CLPTM1: variants seen among roughly 807,000 people sequenced by gnomAD.
CLPTM1 encodes putative lipid scramblase CLPTM1.
In CLPTM1, 21 loss-of-function variants were observed where a neutral mutation model predicts 77.3. The observed-to-expected ratio is 0.27, with a 90% CI of 0.19 to 0.39. CLPTM1 has a LOEUF of 0.39. CLPTM1 is among the 10% of genes least tolerant of loss of function. The pLI, the probability that CLPTM1 is intolerant of heterozygous loss-of-function variation, is 1.00. For synonymous variants in CLPTM1, 373 were observed against 381.0 expected (o/e 0.98, Z 0.24); for missense variants, 642 against 921.2 (o/e 0.70, Z 3.92).
chr19:44,987,369 C>T lies in CLPTM1; in HGVS notation c.984C>T (p.Asn328=), dbSNP rs1970996338. Residue 328 remains asparagine, a synonymous_variant, in exon 8 of 14, where the codon AAC becomes AAT. Transcript: ENST00000337392. ...CCCAGAGCACCAAGTCGCCCTGGAACTTCCTGGGTGATGAGTTGTACGAGC... is the reference window on the plus strand; with the variant it reads ...CCCAGAGCACCAAGTCGCCCTGGAATTTCCTGGGTGATGAGTTGTACGAGC... ...YAAQSTKSPW[N]FLGDELYEQS... 2 of 1,614,062 alleles carry T rather than the reference C, an allele frequency of 1.2e-6. No homozygotes were observed. The highest frequency in any genetic ancestry group is 8.5e-7 in the Non-Finnish European group (1 of 1,179,874).
chr19:44,979,450 G>A (rs745771274), intron 5 of CLPTM1, among the ~76,000 whole-genome samples: 19 of 152,148 alleles, frequency 1.2e-4, no homozygotes, highest in Non-Finnish European at 2.5e-4. Flanking sequence ...CTTTATTGAG[G>A]ACTATTCCAG....
intron 1 of CLPTM1, among the ~76,000 whole-genome samples, chr19:44,960,406 C>T (rs956985702): frequency 6.6e-6 from 1 of 152,188 alleles, no homozygotes; most frequent in Non-Finnish European, 1.5e-5. Context: ...CTAAAATGTT[C>T]CAGTATTTTC....
At chr19:44,989,226 C>T (rs920829787) in intron 9 of CLPTM1, among the ~76,000 whole-genome samples, 43 of 152,206 alleles carry the variant, frequency 2.8e-4, no homozygotes, top group Non-Finnish European at 4.0e-4. Flanking sequence ...CAGTGTCATA[C>T]GGGCACAGGA....
Position 44,955,460 on chromosome 19 carries a change from C to A in CLPTM1, c.65C>A (p.Ser22Tyr), listed in dbSNP as rs1323064547. Residue 22 changes from serine to tyrosine, a missense_variant, in exon 1 of 14, where the codon TCC (serine) becomes TAC (tyrosine). By Grantham distance (144) the Ser-to-Tyr change is moderately radical. Around this residue, in one of 2 missense-constraint regions of CLPTM1, gnomAD observed 121 missense variants for 120.8 expected, o/e 1.00. Coordinates refer to ENST00000337392, the MANE Select transcript of CLPTM1 (RefSeq NM_001294.4). ...GTGGTGGCGGCCGGGGGAGGCAGCT[C>A]CGGTCAGGTACGGAGGCCGAGAGGG... ...SAVVAAGGGS[S>Y]GQVTSNGSIG... 2.3e-6 allele frequency: 3 copies of A among 1,329,882 alleles called. No individual in the cohort carries two copies. Among genetic ancestry groups the A allele is most frequent in the Non-Finnish European group, 2.9e-6 (3 of 1,041,810 alleles). The allele number at this position is 1,329,882 out of a possible 1,614,324, so 82.4% of individuals were successfully genotyped here.
In CLPTM1 at chr19:44,970,270, A is replaced by G. The variant is rs557034532; in HGVS notation, c.186-2817A>G. On this transcript the variant is annotated intron_variant, in intron 2 of 13. Coordinates refer to ENST00000337392, the MANE Select transcript of CLPTM1 (RefSeq NM_001294.4). The stretch of plus-strand genomic sequence containing the variant: ...ACTTCGCCCTGCATACCTGTTGTGC[A>G]ACTCCTGGGAATGGGTAGGCCACCT... 4.8e-5 allele frequency among the ~76,000 whole-genome samples: 7 copies of G among 147,028 alleles called. 2 individuals are homozygous for G. The highest frequency in any genetic ancestry group is 1.9e-4 in the African/African-American group (7 of 37,536).
At position 44,992,362 on chromosome 19, in the gene CLPTM1, A is replaced by G. The variant is rs748859824; in HGVS notation, c.1685A>G (p.Lys562Arg). 2 of 1,614,006 alleles carry G rather than the reference A, an allele frequency of 1.2e-6. No homozygotes were observed. Among genetic ancestry groups the G allele is most frequent in the African/African-American group, 2.7e-5 (2 of 74,904 alleles). ...FIDDLFAFVIKMPVMYRIGCL... is the reference protein window; with the variant it reads ...FIDDLFAFVIRMPVMYRIGCL... ...GACGACCTGTTCGCCTTTGTCATCA[A>G]GATGCCCGTTATGTACCGGATCGGC... Residue 562 changes from lysine (K) to arginine (R), a missense_variant, in exon 13 of 14, where the codon AAG (lysine) becomes AGG (arginine). Lys to Arg is a conservative substitution (Grantham distance 26, BLOSUM62 2). Transcript: ENST00000337392. This position sits in a 1 kb window ranked among gnomAD's most constrained non-coding sequence, Gnocchi z 7.7.
chr19:44,955,661 T>G, intron 1 of CLPTM1, 194 bp downstream of exon 1: 1 of 472,124 alleles, frequency 2.1e-6, no homozygotes, highest in Non-Finnish European at 3.4e-6. Context: ...CTGTTGCGGG[T>G]CGGTTCCCCT....
At position 44,987,237 on chromosome 19, in the gene CLPTM1, C is replaced by T. The variant is rs1318176090; in HGVS notation, c.852C>T (p.Tyr284=). 4.3e-6 allele frequency: 7 copies of T among 1,614,160 alleles called. No individual in the cohort carries two copies. The African/African-American group carries it at 6.7e-5, about 15-fold the overall frequency. ...DYYPIIYFND[Y]WNLQKDYYPI... is the part of the protein sequence containing the mutation. ...ATCCCATCATCTACTTCAATGACTA[C>T]TGGAACCTGCAGAAGGACTACTACC... The change falls in exon 8 of 14, where the codon TAC becomes TAT. Residue 284 remains tyrosine (Y), a synonymous_variant. Coordinates refer to ENST00000337392, the MANE Select transcript of CLPTM1 (RefSeq NM_001294.4).
At chr19:44,975,121 G>A (rs139735796) in intron 4 of CLPTM1, among the ~76,000 whole-genome samples, 22 of 152,296 alleles carry the variant, frequency 1.4e-4, no homozygotes, top group Non-Finnish European at 5.9e-5. Context: ...CAGGCTCTAC[G>A]GCTGTGGACT....
chr19:44,963,722 C>T (rs1487998219), intron 2 of CLPTM1, among the ~76,000 whole-genome samples: 1 of 152,096 alleles, frequency 6.6e-6, no homozygotes, highest in Non-Finnish European at 1.5e-5. Flanking sequence ...TGGGTTCAAG[C>T]GATTCTCCTG....
At chr19:44,980,344 A>G (rs2031202001) in intron 5 of CLPTM1, among the ~76,000 whole-genome samples, 1 of 151,986 alleles carries the variant, frequency 6.6e-6, no homozygotes, top group Non-Finnish European at 1.5e-5. Context: ...CCCTGTCTCT[A>G]CTAAAAATAC....
chr19:44,988,730 G>A (rs1410722695), intron 9 of CLPTM1, among the ~76,000 whole-genome samples: 3 of 152,232 alleles, frequency 2.0e-5, no homozygotes, highest in Non-Finnish European at 4.4e-5. Context: ...CAGTCACACG[G>A]TTCCTAAGGG....
intron 5 of CLPTM1, among the ~76,000 whole-genome samples, chr19:44,980,995 G>A (rs1367008434): frequency 2.6e-5 from 4 of 151,794 alleles, no homozygotes; most frequent in East Asian, 1.9e-4. Flanking sequence ...CCGCCACCAC[G>A]CCCGGCTAAT....
chr19:44,956,624 T>C lies in CLPTM1; in HGVS notation c.72+1157T>C, dbSNP rs143400809. Among the ~76,000 whole-genome samples the C allele has an allele frequency of 6.6e-5, 10 of 152,302 alleles. No individual in the cohort carries two copies. In the East Asian group the frequency reaches 1.9e-3, roughly 29 times the overall value. On this transcript the variant is annotated intron_variant, in intron 1 of 13. Transcript: ENST00000337392. Reference sequence around the variant, plus strand: ...AATGTTTGTTGAGTTAGTGCTGGAATGAAGGCTCAGTTCCTGTCTTCAAGG... The same window carrying C: ...AATGTTTGTTGAGTTAGTGCTGGAACGAAGGCTCAGTTCCTGTCTTCAAGG...
chr19:44,978,378 C>T (rs1165757980), intron 5 of CLPTM1, among the ~76,000 whole-genome samples: 5 of 149,352 alleles, frequency 3.3e-5, no homozygotes, highest in Non-Finnish European at 7.4e-5. Context: ...GCACTCCAGC[C>T]TGGTGACACA....
chr19:44,971,748 G>A (rs923201954), intron 2 of CLPTM1, among the ~76,000 whole-genome samples: 2 of 151,784 alleles, frequency 1.3e-5, no homozygotes, highest in Non-Finnish European at 2.9e-5. Flanking sequence ...TTGTAGAGAC[G>A]GGATTTCATC....
Position 44,974,608 on chromosome 19 carries a change from C to G in CLPTM1, c.468+11C>G, listed in dbSNP as rs373730121. The G allele has an allele frequency of 2.5e-6, 4 of 1,610,718 alleles. No individual in the cohort carries two copies. In the African/African-American group the frequency reaches 5.3e-5, roughly 22 times the overall value. On this transcript the variant is annotated intron_variant, in intron 4 of 13. Transcript: ENST00000337392. ...CTCGATATCCCACAGGTGGGGGCAGCTCTCGGTTTCTGGCCCCATGGCTGC... is the reference window on the plus strand; with the variant it reads ...CTCGATATCCCACAGGTGGGGGCAGGTCTCGGTTTCTGGCCCCATGGCTGC...
chr19:44,990,254 AG>A lies in CLPTM1; in HGVS notation c.1133-137del. ...GAATATGAGAGCCTTCCTGGGAGAGAGGGGTCTCGTTCAGCACCCCTCCTGA... is the reference window on the plus strand; with the variant it reads ...GAATATGAGAGCCTTCCTGGGAGAGAGGGTCTCGTTCAGCACCCCTCCTGA... On this transcript the variant is annotated intron_variant, in intron 9 of 13. Coordinates refer to ENST00000337392, the MANE Select transcript of CLPTM1 (RefSeq NM_001294.4). This position sits in a 1 kb window ranked among gnomAD's most constrained non-coding sequence, Gnocchi z 4.8. 1.3e-6 allele frequency: 1 copy of A among 764,838 alleles called. No individual in the cohort carries two copies. The allele number at this position is 764,838 out of a possible 1,614,324, so 47.4% of individuals were successfully genotyped here. A position where few individuals can be genotyped will look rare whatever the true frequency, so the allele number is the denominator to read the frequency against.
At position 44,990,234 on chromosome 19, in the gene CLPTM1, T is replaced by C; in HGVS notation, c.1133-161T>C. The C allele has an allele frequency of 1.4e-6, 1 of 695,024 alleles. No individual in the cohort carries two copies. Among genetic ancestry groups the C allele is most frequent in the Non-Finnish European group, 2.4e-6 (1 of 411,970 alleles). 43.1% of individuals were successfully genotyped at this position (695,024 alleles called of 1,614,324 possible). On this transcript the variant is annotated intron_variant, in intron 9 of 13. Transcript: ENST00000337392. This position sits in a 1 kb window ranked among gnomAD's most constrained non-coding sequence, Gnocchi z 4.8. ...TGCTCTGGGGGTCACCCAATGAATA[T>C]GAGAGCCTTCCTGGGAGAGAGGGGT...
Sources: allele counts gnomAD v4.1 joint callset (sites outside exome capture counted in the v4.1 genomes callset), GRCh38; gene constraint gnomAD v4.1.1; regional missense constraint gnomAD v4.1.1; non-coding constraint Gnocchi (gnomAD v3.1); transcripts MANE v1.5; gene names NCBI Gene and HGNC (gene_info 2026-07-23, HGNC 2026-07-21).